The following GRB2 variants were observed in gnomAD, a reference collection of about 807,000 sequenced individuals.
The protein encoded by GRB2 is growth factor receptor bound protein 2.
In GRB2, 2 loss-of-function variants were observed where a neutral mutation model predicts 27.4. The observed-to-expected ratio is 0.07, with a 90% CI of 0.03 to 0.23. The LOEUF is 0.23. Ranked by LOEUF, GRB2 falls within the 10% of genes least tolerant of loss-of-function variation. The pLI is 1.00. For synonymous variants in GRB2, 94 were observed against 99.6 expected (o/e 0.94, Z 0.33); for missense variants, 102 against 282.4 (o/e 0.36, Z 4.58).
chr17:75,378,157 G>A (rs187323059), intron 2 of GRB2, among the ~76,000 whole-genome samples: 13 of 151,932 alleles, frequency 8.6e-5, no homozygotes, highest in African/African-American at 2.4e-4. Context: ...AGGCCGAGGT[G>A]GGGGGGAGGA....
chr17:75,389,397 T>A (rs2078984671), intron 2 of GRB2, among the ~76,000 whole-genome samples: 1 of 152,290 alleles, frequency 6.6e-6, no homozygotes, highest in Non-Finnish European at 1.5e-5. Flanking sequence ...GCAGTTACAG[T>A]GTGCAACCCG....
chr17:75,325,242 A>G (rs183618914), intron 4 of GRB2, among the ~76,000 whole-genome samples: 1 of 150,938 alleles, frequency 6.6e-6, no homozygotes, highest in Non-Finnish European at 1.5e-5. Context: ...GGGTCCTATG[A>G]TAATACATTA....
chr17:75,351,771 T>TAA (rs1400135320), intron 2 of GRB2, among the ~76,000 whole-genome samples: 4 of 152,226 alleles, frequency 2.6e-5, no homozygotes, highest in African/African-American at 9.6e-5. Flanking sequence ...ATATAGGTGA[T>TAA]ATCTTAATTG....
At chr17:75,375,481 C>T (rs2078886427) in intron 2 of GRB2, among the ~76,000 whole-genome samples, 1 of 152,054 alleles carries the variant, frequency 6.6e-6, no homozygotes, top group African/African-American at 2.4e-5. Flanking sequence ...CTATCTCAAG[C>T]GCACAGGAGA....
At chr17:75,376,161 G>A (rs917328096) in intron 2 of GRB2, among the ~76,000 whole-genome samples, 7 of 151,058 alleles carry the variant, frequency 4.6e-5, no homozygotes, top group East Asian at 1.9e-4. Flanking sequence ...TAGGCAACAC[G>A]GTTAAACCCC....
At chr17:75,331,812 T>A (rs192560455) in intron 3 of GRB2, among the ~76,000 whole-genome samples, 2 of 152,326 alleles carry the variant, frequency 1.3e-5, no homozygotes, top group African/African-American at 4.8e-5. Context: ...GACCTACAGT[T>A]TCTTTTGAGG....
At chr17:75,326,299 A>C (rs565348890) in intron 3 of GRB2, 2 of 429,188 alleles carry the variant, frequency 4.7e-6, no homozygotes, top group East Asian at 4.8e-5. Context: ...TGGGCCCCCC[A>C]GGCCAAAGCC....
At chr17:75,404,708 T>A (rs2079087353) in intron 1 of GRB2, 2 of 152,138 alleles carry the variant, frequency 1.3e-5, no homozygotes, top group Admixed American at 1.3e-4. Context: ...TGTCTGACAT[T>A]TCGGAAAGTC....
intron 2 of GRB2, among the ~76,000 whole-genome samples, chr17:75,376,071 AGT>A (rs1245962654): frequency 2.0e-5 from 3 of 147,640 alleles, no homozygotes; most frequent in East Asian, 4.0e-4. Context: ...GCATGAGCGC[AGT>A]GGCTCACGCC....
intron 2 of GRB2, among the ~76,000 whole-genome samples, chr17:75,341,940 C>T (rs530928626): frequency 4.6e-5 from 7 of 152,250 alleles, no homozygotes; most frequent in Non-Finnish European, 1.0e-4. Context: ...CATAATTTGG[C>T]CATCATCGAC....
At chr17:75,341,251 G>A (rs927143423) in intron 2 of GRB2, among the ~76,000 whole-genome samples, 2 of 151,776 alleles carry the variant, frequency 1.3e-5, no homozygotes, top group African/African-American at 4.8e-5. Context: ...GGTCAACATG[G>A]TGAAACCCTG....
rs2078442455 is a variant in GRB2 at position 75,319,493 on chromosome 17, C to T, written c.*875G>A. On this transcript the variant is annotated 3_prime_UTR_variant, in exon 6 of 6. Transcript: ENST00000316804. ...ACGGAATCTCGCTCTGTCACCCAGG[C>T]TGGAGTACAATGGCACGGTCCCGGC... The T allele has an allele frequency of 6.8e-6, 1 of 147,068 alleles. No homozygotes were observed. Among genetic ancestry groups the T allele is most frequent in the African/African-American group, 2.5e-5 (1 of 39,324 alleles). The allele number at this position is 147,068 out of a possible 1,614,324, so 9.1% of individuals were successfully genotyped here. A position where few individuals can be genotyped will look rare whatever the true frequency, so the allele number is the denominator to read the frequency against.
intron 2 of GRB2, among the ~76,000 whole-genome samples, chr17:75,385,194 T>A (rs974151124): frequency 6.6e-6 from 1 of 151,936 alleles, no homozygotes; most frequent in African/African-American, 2.4e-5. Context: ...TGAGTCAAGA[T>A]CATGCCACCG....
intron 1 of GRB2, 146 bp from the exon 2 acceptor site, chr17:75,393,911 C>CCG (rs2079014980): frequency 8.2e-6 from 4 of 485,380 alleles, no homozygotes; most frequent in Non-Finnish European, 1.5e-5. Context: ...CAGCCCCCCC[C>CCG]CGCCGACTTC....
chr17:75,336,082 A>G (rs554901814), intron 2 of GRB2, among the ~76,000 whole-genome samples: 1 of 152,340 alleles, frequency 6.6e-6, no homozygotes, highest in East Asian at 1.9e-4. Flanking sequence ...AGCTACTTTA[A>G]AAGTTATTTA....
intron 2 of GRB2, among the ~76,000 whole-genome samples, chr17:75,390,787 G>A (rs972437241): frequency 6.6e-6 from 1 of 152,128 alleles, no homozygotes; most frequent in Admixed American, 6.6e-5. Flanking sequence ...CTGAACTATA[G>A]ACAGAGGATG....
chr17:75,358,739 T>G (rs1391853701), intron 2 of GRB2, among the ~76,000 whole-genome samples: 1 of 139,754 alleles, frequency 7.2e-6, no homozygotes, highest in Admixed American at 7.3e-5. Flanking sequence ...AAAAATTAGC[T>G]GGGTATGGTG....
chr17:75,360,863 T>G (rs1228018994), intron 2 of GRB2, among the ~76,000 whole-genome samples: 5 of 152,210 alleles, frequency 3.3e-5, no homozygotes, highest in African/African-American at 1.2e-4. Context: ...CACAGCTCAC[T>G]ACAGCCTTGA....
At chr17:75,403,473 C>CATTT (rs2079077300) in intron 1 of GRB2, among the ~76,000 whole-genome samples, 1 of 152,032 alleles carries the variant, frequency 6.6e-6, no homozygotes, top group Admixed American at 6.6e-5. Flanking sequence ...GTGCCTCAAA[C>CATTT]ATTTAAACGT....
Sources: allele counts gnomAD v4.1 joint callset (sites outside exome capture counted in the v4.1 genomes callset), GRCh38; gene constraint gnomAD v4.1.1; transcripts MANE v1.5; gene names NCBI Gene and HGNC (gene_info 2026-07-23, HGNC 2026-07-21).